Variants in SAMD4A observed in about 807,000 individuals in gnomAD.
The protein encoded by SAMD4A is protein Smaug homolog 1.
A neutral mutation model predicts 81.3 loss-of-function variants in SAMD4A; 33 were observed. That is an observed-to-expected ratio of 0.41 (90% CI 0.31 to 0.54). The LOEUF (loss-of-function observed/expected upper bound fraction) is 0.54, where lower values mean the gene tolerates loss of function less well. Ranked by LOEUF, SAMD4A falls within the 20% of genes least tolerant of loss-of-function variation. SAMD4A has a pLI of 0.37. For synonymous variants in SAMD4A, 389 were observed against 382.1 expected (o/e 1.02, Z -0.21); for missense variants, 854 against 951.1 (o/e 0.90, Z 1.34).
intron 2 of SAMD4A, among the ~76,000 whole-genome samples, chr14:54,609,510 A>G (rs1179484224): frequency 6.6e-6 from 1 of 152,242 alleles, no homozygotes; most frequent in African/African-American, 2.4e-5. Flanking sequence ...AGCCAATTGG[A>G]AAAGAATACA....
At position 54,760,154 on chromosome 14, in the gene SAMD4A, C is replaced by T. The variant is rs755139662; in HGVS notation, c.1177-7C>T. 15 of 1,602,800 alleles carry T rather than the reference C, an allele frequency of 9.4e-6. No individual in the cohort carries two copies. The highest frequency in any genetic ancestry group is 6.7e-5 in the Admixed American group (4 of 59,392). ...CTAACAGAGGTCTTCCTGCTCTCACCGTCCAGGACATCATCGAGGGGGGCA... is the reference window on the plus strand; with the variant it reads ...CTAACAGAGGTCTTCCTGCTCTCACTGTCCAGGACATCATCGAGGGGGGCA... On this transcript the variant is annotated splice_region_variant and splice_polypyrimidine_tract_variant and intron_variant, in intron 6 of 12. Coordinates refer to ENST00000554335, the MANE Select transcript of SAMD4A (RefSeq NM_015589.6).
At chr14:54,660,739 C>T (rs116475617) in intron 2 of SAMD4A, among the ~76,000 whole-genome samples, 3,993 of 152,308 alleles carry the variant, frequency 0.026, 58 homozygotes, top group Middle Eastern at 0.082. Flanking sequence ...CAGCAGCCCC[C>T]TTGAACCACA....
Position 54,792,624 on chromosome 14 carries a change from C to T in SAMD4A, c.*3680C>T, listed in dbSNP as rs751020049. On this transcript the variant is annotated 3_prime_UTR_variant, in exon 13 of 13. Transcript: ENST00000554335. ...CTTGGGCCTGGGGAAGCAGCCTGAC[C>T]AAGGCGCTCAGGTGTGCCTGTTACA... 2 of 152,124 alleles carry T rather than the reference C, an allele frequency of 1.3e-5. No homozygotes were observed. Among genetic ancestry groups the T allele is most frequent in the African/African-American group, 4.8e-5 (2 of 41,422 alleles). The allele number at this position is 152,124 out of a possible 1,614,324, so 9.4% of individuals were successfully genotyped here. A position where few individuals can be genotyped will look rare whatever the true frequency, so the allele number is the denominator to read the frequency against.
At chr14:54,785,047 G>T (rs2039101012) in intron 12 of SAMD4A, among the ~76,000 whole-genome samples, 2 of 152,218 alleles carry the variant, frequency 1.3e-5, no homozygotes, top group Admixed American at 6.5e-5. Context: ...CCCCCAGCCT[G>T]GTCCAAGCAT....
chr14:54,687,261 C>G, intron 2 of SAMD4A: 1 of 429,810 alleles, frequency 2.3e-6, no homozygotes. Flanking sequence ...TGGATCCTGC[C>G]CCTCCATGGG....
At chr14:54,722,259 A>G (rs2037279514) in intron 3 of SAMD4A, among the ~76,000 whole-genome samples, 1 of 152,180 alleles carries the variant, frequency 6.6e-6, no homozygotes, top group Non-Finnish European at 1.5e-5. Context: ...TATGAGAAGG[A>G]TAGGTATTCA....
intron 2 of SAMD4A, among the ~76,000 whole-genome samples, chr14:54,587,998 GA>G (rs1334361202): frequency 3.3e-5 from 5 of 152,232 alleles, no homozygotes; most frequent in African/African-American, 1.2e-4. Flanking sequence ...ATTCAGCTGT[GA>G]ACCTGTCTCG....
At chr14:54,773,977 A>G (rs2038771649) in intron 9 of SAMD4A, among the ~76,000 whole-genome samples, 1 of 152,178 alleles carries the variant, frequency 6.6e-6, no homozygotes, top group African/African-American at 2.4e-5. Flanking sequence ...AGAAACAATG[A>G]TAGGATTAAA....
chr14:54,749,213 A>G (rs1376608000), intron 5 of SAMD4A, among the ~76,000 whole-genome samples: 1 of 152,234 alleles, frequency 6.6e-6, no homozygotes, highest in Non-Finnish European at 1.5e-5. Context: ...TCCAGGTGCC[A>G]GGGAGGAATC....
chr14:54,607,947 C>T (rs1015783601), intron 2 of SAMD4A, among the ~76,000 whole-genome samples: 1 of 143,356 alleles, frequency 7.0e-6, no homozygotes, highest in Non-Finnish European at 1.5e-5. Flanking sequence ...ACCCGGGAGG[C>T]AGAGGTTGCA....
chr14:54,777,196 GA>G (rs2038875821), intron 11 of SAMD4A, among the ~76,000 whole-genome samples: 1 of 151,518 alleles, frequency 6.6e-6, no homozygotes, highest in Non-Finnish European at 1.5e-5. Context: ...TATCTGGATG[GA>G]CCCCCCCCCA....
intron 2 of SAMD4A, among the ~76,000 whole-genome samples, chr14:54,615,732 G>A (rs1204029000): frequency 6.6e-6 from 1 of 151,966 alleles, no homozygotes; most frequent in Non-Finnish European, 1.5e-5. Context: ...CTATTTTAAT[G>A]TTTACCATTT....
chr14:54,707,126 C>T (rs1241765077), intron 3 of SAMD4A, among the ~76,000 whole-genome samples: 4 of 129,474 alleles, frequency 3.1e-5, no homozygotes, highest in Non-Finnish European at 6.3e-5. Context: ...TTTTTTGAGA[C>T]AGGCTCTTGC....
chr14:54,709,004 A>G (rs1326567732), intron 3 of SAMD4A, among the ~76,000 whole-genome samples: 5 of 152,136 alleles, frequency 3.3e-5, no homozygotes, highest in Non-Finnish European at 4.4e-5. Flanking sequence ...TAGAGGCCGG[A>G]TGCAGTGGCT....
chr14:54,682,925 C>T (rs1397964371), intron 2 of SAMD4A, among the ~76,000 whole-genome samples: 1 of 152,194 alleles, frequency 6.6e-6, no homozygotes, highest in Non-Finnish European at 1.5e-5. Flanking sequence ...ATAACCAACC[C>T]TGTGTTCCCT....
chr14:54,763,147 G>A (rs1054543217), intron 7 of SAMD4A, among the ~76,000 whole-genome samples: 2 of 151,542 alleles, frequency 1.3e-5, no homozygotes, highest in Admixed American at 6.6e-5. Context: ...GAGCCACCGC[G>A]CCCAGCCGAA....
chr14:54,706,706 T>G (rs2036868628), intron 3 of SAMD4A, among the ~76,000 whole-genome samples: 8 of 145,064 alleles, frequency 5.5e-5, no homozygotes, highest in East Asian at 2.0e-4. Flanking sequence ...GGAAGGAGAG[T>G]CTGGAGGGGA....
intron 8 of SAMD4A, among the ~76,000 whole-genome samples, chr14:54,766,692 T>G (rs138444901): frequency 6.6e-6 from 1 of 152,250 alleles, no homozygotes; most frequent in Non-Finnish European, 1.5e-5. Context: ...CAGCCTCTGA[T>G]AAAAGCACAC....
At chr14:54,591,737 T>C (rs1345832736) in intron 2 of SAMD4A, among the ~76,000 whole-genome samples, 1 of 152,206 alleles carries the variant, frequency 6.6e-6, no homozygotes, top group Non-Finnish European at 1.5e-5. Context: ...GTAGTGTATA[T>C]TGTATCATTA....
Sources: allele counts gnomAD v4.1 joint callset (sites outside exome capture counted in the v4.1 genomes callset), GRCh38; gene constraint gnomAD v4.1.1; transcripts MANE v1.5; gene names NCBI Gene and HGNC (gene_info 2026-07-23, HGNC 2026-07-21).